MYH9: variants seen among roughly 807,000 people sequenced by gnomAD.
MYH9 encodes the protein myosin heavy chain 9.
MYH9 carries 29 observed loss-of-function variants against 241.9 expected under a neutral mutation model. The ratio of observed to expected loss-of-function variants is 0.12; its 90% CI spans 0.09 to 0.16. The LOEUF (loss-of-function observed/expected upper bound fraction) is 0.16. Ranked by LOEUF, MYH9 falls within the 10% of genes least tolerant of loss-of-function variation. MYH9 has a pLI of 1.00. For synonymous variants in MYH9, 1,047 were observed against 1,062.6 expected (o/e 0.99, Z 0.29); for missense variants, 1,803 against 2,595.5 (o/e 0.69, Z 6.63).
chr22:36,318,850 A>G (rs771560755), intron 10 of MYH9, among the ~76,000 whole-genome samples: 20 of 151,418 alleles, frequency 1.3e-4, no homozygotes, highest in Non-Finnish European at 2.5e-4. Context: ...TGCAACCCCT[A>G]CCTCCTGGCT....
intron 13 of MYH9, among the ~76,000 whole-genome samples, chr22:36,313,148 CAATT>C (rs1410445601): frequency 1.4e-5 from 2 of 144,140 alleles, no homozygotes; most frequent in Admixed American, 1.4e-4. Context: ...GCCTTCTGAT[CAATT>C]AACCATAATC....
At chr22:36,356,580 CAAAAAAAAAAAAAAAA>C (rs34880972) in intron 1 of MYH9, among the ~76,000 whole-genome samples, 2 of 24,648 alleles carry the variant, frequency 8.1e-5, no homozygotes, top group South Asian at 3.7e-3. Flanking sequence ...GACTCCATCT[CAAAAAAAAAAAAAAAA>C]AAAAAAAAAA....
intron 1 of MYH9, among the ~76,000 whole-genome samples, chr22:36,381,096 G>C (rs1419439586): frequency 6.6e-6 from 1 of 152,178 alleles, no homozygotes; most frequent in Non-Finnish European, 1.5e-5. Flanking sequence ...GTAAAAGGTA[G>C]GCATTCAATA....
rs1459669792 is a variant in MYH9, at chr22:36,300,247, C to T, written c.2856G>A (p.Leu952=). ...TCTGCCGGGCGCTCTCCTCCTCCTC[C>T]AGCTGCTCCTCAAGCTCCTGCCGGG... ...QQNIQELEEQ[L]EEEESARQKL... is the part of the protein sequence containing the mutation. The change falls in exon 23 of 41, where the codon CTG becomes CTA. Residue 952 remains leucine, a synonymous_variant. Coordinates refer to ENST00000216181, the MANE Select transcript of MYH9 (RefSeq NM_002473.6). The surrounding 1 kb of genome is among the most constrained non-coding windows in gnomAD (Gnocchi z 5.0). 1 of 1,613,438 alleles carries T rather than the reference C, an allele frequency of 6.2e-7. No homozygotes were observed. The highest frequency in any genetic ancestry group is 8.5e-7 in the Non-Finnish European group (1 of 1,180,050).
chr22:36,320,795 C>T lies in MYH9; in HGVS notation c.868+3G>A, dbSNP rs1428324538. On this transcript the variant is annotated splice_donor_region_variant and intron_variant, in intron 8 of 40. Coordinates refer to ENST00000216181, the MANE Select transcript of MYH9 (RefSeq NM_002473.6). The surrounding 1 kb of genome is among the most constrained non-coding windows in gnomAD (Gnocchi z 4.8). ...GGTGTCAGGCTGCAGGCCAACTACTCACTCTTCAGGTGCTCTCCAGCCCCA... is the reference window on the plus strand; with the variant it reads ...GGTGTCAGGCTGCAGGCCAACTACTTACTCTTCAGGTGCTCTCCAGCCCCA... The T allele has an allele frequency of 6.2e-7, 1 of 1,612,522 alleles. No individual in the cohort carries two copies. Among genetic ancestry groups the T allele is most frequent in the East Asian group, 2.2e-5 (1 of 44,894 alleles).
At chr22:36,314,742 G>A (rs995160378) in intron 12 of MYH9, among the ~76,000 whole-genome samples, 1 of 151,708 alleles carries the variant, frequency 6.6e-6, no homozygotes, top group Non-Finnish European at 1.5e-5. Context: ...TCCGCTTCCT[G>A]GGCTCAAGTG....
Position 36,285,749 on chromosome 22 carries a change from T to C in MYH9, c.5183A>G (p.Glu1728Gly), listed in dbSNP as rs1430285550. 6.2e-7 allele frequency: 1 copy of C among 1,611,326 alleles called. No homozygotes were observed. The highest frequency in any genetic ancestry group is 1.7e-5 in the Admixed American group (1 of 59,638). ...CTCCTCCAGCTGGGCGATGCGGGCCTCCAGACGCCGCTTCTCCTCTAACGC... is the reference window on the plus strand; with the variant it reads ...CTCCTCCAGCTGGGCGATGCGGGCCCCCAGACGCCGCTTCTCCTCTAACGC... Reference protein sequence around the residue: ...ALALEEKRRLEARIAQLEEEL... With the variant: ...ALALEEKRRLGARIAQLEEEL... The change falls in exon 37 of 41, where the codon GAG becomes GGG. Residue 1728 changes from glutamate to glycine, a missense_variant. Around this residue, in one of 11 missense-constraint regions of MYH9, gnomAD observed 876 missense variants for 1,077.8 expected, o/e 0.81. Transcript: ENST00000216181. The surrounding 1 kb of genome is among the most constrained non-coding windows in gnomAD (Gnocchi z 7.0).
intron 21 of MYH9, among the ~76,000 whole-genome samples, chr22:36,301,281 A>C (rs2016872767): frequency 6.6e-6 from 1 of 152,192 alleles, no homozygotes; most frequent in Admixed American, 6.5e-5. Flanking sequence ...AAATGGGCTC[A>C]AGTCATGTGG....
intron 9 of MYH9, chr22:36,319,924 G>A (rs902803410): frequency 1.2e-5 from 7 of 607,294 alleles, no homozygotes; most frequent in Admixed American, 2.9e-5. Flanking sequence ...CACACTCCCC[G>A]AGACAGGACG....
At position 36,300,353 on chromosome 22, in the gene MYH9, G is replaced by T; in HGVS notation, c.2839-89C>A. On this transcript the variant is annotated intron_variant, in intron 22 of 40. Coordinates refer to ENST00000216181, the MANE Select transcript of MYH9 (RefSeq NM_002473.6). The surrounding 1 kb of genome is among the most constrained non-coding windows in gnomAD (Gnocchi z 5.0). ...CAAGGTCCGAAGGCCAGATCCAAAC[G>T]CCAAGGAGAAAATAGCAAGGTCTGT... The T allele has an allele frequency of 6.4e-7, 1 of 1,574,470 alleles. No homozygotes were observed. Among genetic ancestry groups the T allele is most frequent in the Non-Finnish European group, 8.6e-7 (1 of 1,156,780 alleles).
intron 24 of MYH9, 101 bp downstream of exon 24, chr22:36,298,818 G>T: frequency 6.4e-7 from 1 of 1,560,938 alleles, no homozygotes; most frequent in Admixed American, 1.7e-5. Flanking sequence ...TCACCCGTGA[G>T]CTGAGAAGGC....
chr22:36,352,965 C>T (rs976836120), intron 1 of MYH9, among the ~76,000 whole-genome samples: 1 of 152,148 alleles, frequency 6.6e-6, no homozygotes, highest in Non-Finnish European at 1.5e-5. Flanking sequence ...GGGAGAGCCG[C>T]AAAGGTCAGG....
chr22:36,287,206 A>C, intron 34 of MYH9, among the ~76,000 whole-genome samples: 1 of 152,186 alleles, frequency 6.6e-6, no homozygotes, highest in East Asian at 1.9e-4. Context: ...ACAGGCAGGA[A>C]ACACCTTTCC....
At position 36,320,444 on chromosome 22, in the gene MYH9, G is replaced by A. The variant is rs1013375225; in HGVS notation, c.869-81C>T. 11 of 1,568,156 alleles carry A rather than the reference G, an allele frequency of 7.0e-6. No individual in the cohort carries two copies. Among genetic ancestry groups the A allele is most frequent in the Non-Finnish European group, 9.6e-6 (11 of 1,150,926 alleles). On this transcript the variant is annotated intron_variant, in intron 8 of 40. Coordinates refer to ENST00000216181, the MANE Select transcript of MYH9 (RefSeq NM_002473.6). The surrounding 1 kb of genome is among the most constrained non-coding windows in gnomAD (Gnocchi z 4.8). ...ATCAGCGCTGTGACCTCAAAGGTTG[G>A]AGAGACTGGGACAGACCCTGAGCCC...
At chr22:36,367,772 A>G (rs982150671) in intron 1 of MYH9, among the ~76,000 whole-genome samples, 10 of 152,214 alleles carry the variant, frequency 6.6e-5, no homozygotes, top group Admixed American at 2.0e-4. Context: ...TGCACATGAA[A>G]GAAGGAAGCA....
chr22:36,317,237 C>T (rs955380462), intron 11 of MYH9, among the ~76,000 whole-genome samples: 1 of 152,198 alleles, frequency 6.6e-6, no homozygotes, highest in African/African-American at 2.4e-5. Context: ...TTACACTCTC[C>T]CCTCTTCTTT....
At chr22:36,327,776 T>C (rs1328887945) in intron 3 of MYH9, among the ~76,000 whole-genome samples, 2 of 152,122 alleles carry the variant, frequency 1.3e-5, no homozygotes, top group Non-Finnish European at 2.9e-5. Context: ...GAGGAACTAG[T>C]GTGTGGAAAA....
rs776869935 is a variant in MYH9 at position 36,293,747 on chromosome 22, C to G, written c.3942+12G>C. 6.2e-7 allele frequency: 1 copy of G among 1,611,736 alleles called. No homozygotes were observed. Among genetic ancestry groups the G allele is most frequent in the Non-Finnish European group, 8.5e-7 (1 of 1,178,702 alleles). On this transcript the variant is annotated intron_variant, in intron 29 of 40. Coordinates refer to ENST00000216181, the MANE Select transcript of MYH9 (RefSeq NM_002473.6). The surrounding 1 kb of genome is among the most constrained non-coding windows in gnomAD (Gnocchi z 5.1). ...AGGGGTCCACCTTCTGGGAACCTGG[C>G]GCCACCCCTACCTGAGTGTCCTGCA...
In MYH9 at chr22:36,285,684, C is replaced by G. The variant is rs776352474; in HGVS notation, c.5248G>C (p.Asp1750His). The G allele has an allele frequency of 6.2e-7, 1 of 1,612,812 alleles. No individual in the cohort carries two copies. Among genetic ancestry groups the G allele is most frequent in the Non-Finnish European group, 8.5e-7 (1 of 1,180,004 alleles). Residue 1750 changes from aspartate to histidine, a missense_variant, in exon 37 of 41, where the codon GAC (aspartate) becomes CAC (histidine). By Grantham distance (81) the Asp-to-His change is moderately conservative. Coordinates refer to ENST00000216181, the MANE Select transcript of MYH9 (RefSeq NM_002473.6). The surrounding 1 kb of genome is among the most constrained non-coding windows in gnomAD (Gnocchi z 7.0). ...TGCAGGTTGGCCTTCTTCAGCCGGT[C>G]GTTGATCAGCTCCGTGTTGCCCTGC... Reference protein sequence around the residue: ...EEQGNTELINDRLKKANLQID... With the variant: ...EEQGNTELINHRLKKANLQID...
Sources: gnomAD v4.1 joint callset for allele counts (sites outside exome capture counted in the v4.1 genomes callset) on GRCh38, gnomAD v4.1.1 for gene constraint, gnomAD v4.1.1 regional missense constraint, Gnocchi (gnomAD v3.1) non-coding constraint, MANE v1.5 for transcripts, NCBI Gene and HGNC (gene_info 2026-07-23, HGNC 2026-07-21) for gene names.